The following PCDHGA3 variants were observed in gnomAD, a reference collection of about 807,000 sequenced individuals.
PCDHGA3 encodes the protein protocadherin gamma-A3.
In PCDHGA3, 40 loss-of-function variants were observed where a neutral mutation model predicts 58.5. That is an observed-to-expected ratio of 0.68 (90% CI 0.53 to 0.89). The LOEUF (loss-of-function observed/expected upper bound fraction) is 0.89, where lower values mean the gene tolerates loss of function less well. Among genes scored for constraint, PCDHGA3 ranks in the 40% least tolerant of loss-of-function variants. The pLI is 0.00. For missense variants in PCDHGA3, 1,223 were observed against 1,195.9 expected (o/e 1.02, Z -0.33); for synonymous variants, 530 against 525.7 (o/e 1.01, Z -0.11).
At chr5:141,433,935 T>G (rs2097665519) in intron 1 of PCDHGA3, among the ~76,000 whole-genome samples, 2 of 152,150 alleles carry the variant, frequency 1.3e-5, no homozygotes, top group African/African-American at 2.4e-5. Context: ...GATTTTATAA[T>G]TCCATTGTTT....
intron 1 of PCDHGA3, among the ~76,000 whole-genome samples, chr5:141,460,922 ATATGTGTGTGTG>A: frequency 6.6e-6 from 1 of 151,042 alleles, no homozygotes; most frequent in Non-Finnish European, 1.5e-5. Context: ...GTATATATAT[ATATGTGTGTGTG>A]TATATATATG....
intron 1 of PCDHGA3, among the ~76,000 whole-genome samples, chr5:141,349,740 T>A (rs1013664478): frequency 6.6e-6 from 1 of 152,172 alleles, no homozygotes; most frequent in Non-Finnish European, 1.5e-5. Context: ...ATTCACTTAT[T>A]TGGATACAGC....
At chr5:141,492,402 C>A (rs1254310448) in intron 1 of PCDHGA3, among the ~76,000 whole-genome samples, 1 of 152,232 alleles carries the variant, frequency 6.6e-6, no homozygotes, top group African/African-American at 2.4e-5. Flanking sequence ...TCGCAGCTCC[C>A]CTCTGCCGCT....
At position 141,345,312 on chromosome 5, in the gene PCDHGA3, G is replaced by A. The variant is rs186274609; in HGVS notation, c.1279G>A (p.Gly427Arg). 5.3e-4 allele frequency: 857 copies of A among 1,613,932 alleles called. No homozygotes were observed. Among genetic ancestry groups the A allele is most frequent in the Non-Finnish European group, 6.6e-4 (778 of 1,179,860 alleles). ...TAACATTAGTCTGAGAGCCTCAGAT[G>A]GGGGAAGCCCGCCACTGTCCACAGA... ...EYNISLRASDGGSPPLSTETH... is the reference protein window; with the variant it reads ...EYNISLRASDRGSPPLSTETH... Residue 427 changes from glycine (G) to arginine (R), a missense_variant, in exon 1 of 4, where the codon GGG becomes AGG. Gly to Arg is a moderately radical substitution (Grantham distance 125). Transcript: ENST00000253812.
chr5:141,370,717 T>C, intron 1 of PCDHGA3: 4 of 1,613,822 alleles, frequency 2.5e-6, no homozygotes, highest in Non-Finnish European at 3.4e-6. Flanking sequence ...GAATTTGAAA[T>C]GGTTGCTGAA....
chr5:141,399,430 A>G (rs758530359), intron 1 of PCDHGA3: 12 of 1,614,016 alleles, frequency 7.4e-6, no homozygotes, highest in Non-Finnish European at 1.0e-5. Context: ...CATAAGCGTC[A>G]TCCTACATAT....
rs1317079449 is a variant in PCDHGA3 at position 141,345,909 on chromosome 5, G to A, written c.1876G>A (p.Val626Met). The change falls in exon 1 of 4, where the codon GTG becomes ATG. Residue 626 changes from valine (V) to methionine (M), a missense_variant. This residue lies in a region of PCDHGA3 where 107 missense variants were observed against 159.8 expected (regional missense o/e 0.67). Transcript: ENST00000253812. Reference protein sequence around the residue: ...LFSVGLHTGEVRTARALLDRD... With the variant: ...LFSVGLHTGEMRTARALLDRD... ...CTCGGTGGGTCTGCACACGGGCGAGGTGCGCACGGCGCGAGCCCTGCTGGA... is the reference window on the plus strand; with the variant it reads ...CTCGGTGGGTCTGCACACGGGCGAGATGCGCACGGCGCGAGCCCTGCTGGA... The A allele has an allele frequency of 3.1e-6, 5 of 1,612,572 alleles. No homozygotes were observed. In the East Asian group the frequency reaches 1.1e-4, roughly 36 times the overall value.
intron 1 of PCDHGA3, among the ~76,000 whole-genome samples, chr5:141,444,152 ATTTTTTTTTTTT>A (rs747671382): frequency 5.9e-4 from 20 of 33,896 alleles, no homozygotes; most frequent in African/African-American, 1.8e-3. Flanking sequence ...TGTGTACTGG[ATTTTTTTTTTTT>A]TTTTTTTTTT....
At chr5:141,365,275 C>T in intron 1 of PCDHGA3, 1 of 1,613,980 alleles carries the variant, frequency 6.2e-7, no homozygotes, top group Non-Finnish European at 8.5e-7. Flanking sequence ...CCAGATTCTA[C>T]CTCATGGAAG....
At chr5:141,433,298 A>G in intron 1 of PCDHGA3, 7 of 1,015,894 alleles carry the variant, frequency 6.9e-6, no homozygotes, top group Non-Finnish European at 1.0e-5. Context: ...GGCTCAAGCA[A>G]TTATCCCACC....
At chr5:141,445,086 A>T (rs190267063) in intron 1 of PCDHGA3, among the ~76,000 whole-genome samples, 163 of 152,322 alleles carry the variant, frequency 1.1e-3, no homozygotes, top group African/African-American at 3.6e-3. Flanking sequence ...TTGTCCCTAC[A>T]TATTTGATGT....
In PCDHGA3 at chr5:141,485,013, C is replaced by A. The variant is rs551059588; in HGVS notation, c.2425-9794C>A. ...GTGAAAGGCAGACAAATCTACCCCG[C>A]CACCAGCAAAAACGGCGCGTAACCC... On this transcript the variant is annotated intron_variant, in intron 1 of 3. Coordinates refer to ENST00000253812, the MANE Select transcript of PCDHGA3 (RefSeq NM_018916.4). This position sits in a 1 kb window ranked among gnomAD's most constrained non-coding sequence, Gnocchi z 5.7. The A allele has an allele frequency of 6.3e-6, 4 of 634,556 alleles. No homozygotes were observed. Among genetic ancestry groups the A allele is most frequent in the South Asian group, 3.9e-5 (2 of 51,594 alleles). The allele number at this position is 634,556 out of a possible 1,614,324, so 39.3% of individuals were successfully genotyped here. A position where few individuals can be genotyped will look rare whatever the true frequency, so the allele number is the denominator to read the frequency against.
chr5:141,462,078 C>T (rs2154567608), intron 1 of PCDHGA3, among the ~76,000 whole-genome samples: 1 of 152,304 alleles, frequency 6.6e-6, no homozygotes, highest in East Asian at 1.9e-4. Flanking sequence ...CCGCCTTGGC[C>T]TCCCAAAATG....
At chr5:141,369,679 CAT>C (rs1189576308) in intron 1 of PCDHGA3, among the ~76,000 whole-genome samples, 3 of 152,162 alleles carry the variant, frequency 2.0e-5, no homozygotes, top group Middle Eastern at 3.4e-3. Flanking sequence ...GAAAGTGAAA[CAT>C]AGAATAAAAC....
In PCDHGA3 at chr5:141,344,081, G is replaced by A; in HGVS notation, c.48G>A (p.Leu16=). 1.2e-6 allele frequency: 2 copies of A among 1,611,306 alleles called. No individual in the cohort carries two copies. Among genetic ancestry groups the A allele is most frequent in the Non-Finnish European group, 1.7e-6 (2 of 1,178,174 alleles). Residue 16 remains leucine (L), a synonymous_variant, in exon 1 of 4, where the codon CTG becomes CTA. Transcript: ENST00000253812. ...SFRNGRGLAL[L]CALLGTLCET... is the part of the protein sequence containing the mutation. ...GAAATGGCAGAGGACTGGCCCTGCT[G>A]TGCGCGCTCCTGGGGACGCTGTGCG...
At position 141,346,271 on chromosome 5, in the gene PCDHGA3, T is replaced by A; in HGVS notation, c.2238T>A (p.Val746=). ...PGSHFVGADG[V]RAFLQTYSHE... is the part of the protein sequence containing the mutation. ...CGCACTTTGTGGGCGCGGACGGGGT[T>A]CGGGCTTTCCTGCAGACCTATTCCC... Residue 746 remains valine (V), a synonymous_variant, in exon 1 of 4, where the codon GTT becomes GTA. Coordinates refer to ENST00000253812, the MANE Select transcript of PCDHGA3 (RefSeq NM_018916.4). 4 of 1,614,148 alleles carry A rather than the reference T, an allele frequency of 2.5e-6. No homozygotes were observed. The highest frequency in any genetic ancestry group is 3.4e-6 in the Non-Finnish European group (4 of 1,180,014).
chr5:141,427,671 A>T (rs1441504057), intron 1 of PCDHGA3: 1 of 798,486 alleles, frequency 1.3e-6, no homozygotes, highest in East Asian at 2.6e-5. Flanking sequence ...GGCCGAAAAC[A>T]ACCTTCCCGG....
chr5:141,464,973 TTC>T (rs2154568681), intron 1 of PCDHGA3, among the ~76,000 whole-genome samples: 1 of 152,092 alleles, frequency 6.6e-6, no homozygotes, highest in East Asian at 1.9e-4. Flanking sequence ...AACTACTGGC[TTC>T]AAGTGATCCT....
At chr5:141,382,430 T>A (rs984775517) in intron 1 of PCDHGA3, among the ~76,000 whole-genome samples, 10 of 152,106 alleles carry the variant, frequency 6.6e-5, no homozygotes, top group African/African-American at 2.4e-4. Context: ...CCCAAAAGAG[T>A]CACTTGAAAG....
Sources: gnomAD v4.1 joint callset for allele counts (sites outside exome capture counted in the v4.1 genomes callset) on GRCh38, gnomAD v4.1.1 for gene constraint, gnomAD v4.1.1 regional missense constraint, Gnocchi (gnomAD v3.1) non-coding constraint, MANE v1.5 for transcripts, NCBI Gene and HGNC (gene_info 2026-07-23, HGNC 2026-07-21) for gene names.